JMJD1C: variants seen among roughly 807,000 people sequenced by gnomAD.
The protein encoded by JMJD1C is jumonji domain containing 1C.
In JMJD1C, 31 loss-of-function variants were observed where a neutral mutation model predicts 245.3. The observed-to-expected ratio is 0.13, with a 90% CI of 0.09 to 0.17. The LOEUF (loss-of-function observed/expected upper bound fraction) is 0.17. JMJD1C is among the 10% of genes least tolerant of loss of function. The pLI is 1.00. For synonymous variants in JMJD1C, 1,057 were observed against 1,017.4 expected, an observed-to-expected ratio of 1.04 and a Z score of -0.74; for missense variants, 2,691 against 3,000.2, an observed-to-expected ratio of 0.90 and a Z score of 2.41.
At chr10:63,445,821 G>A (rs1951679193) in intron 1 of JMJD1C, among the ~76,000 whole-genome samples, 1 of 143,312 alleles carries the variant, frequency 7.0e-6, no homozygotes, top group Non-Finnish European at 1.5e-5. Context: ...GTTTGAACTA[G>A]TATAATGCTA....
chr10:63,275,113 A>T (rs1346097915), intron 2 of JMJD1C, among the ~76,000 whole-genome samples: 2 of 152,182 alleles, frequency 1.3e-5, no homozygotes, highest in Non-Finnish European at 2.9e-5. Flanking sequence ...TTTTACAGAT[A>T]AAAAAATGGA....
intron 4 of JMJD1C, among the ~76,000 whole-genome samples, chr10:63,219,098 T>G (rs1280235707): frequency 3.9e-5 from 6 of 152,134 alleles, no homozygotes; most frequent in Non-Finnish European, 8.8e-5. Context: ...ATTCTGTTTT[T>G]GTATGTGTTT....
At chr10:63,438,762 C>A (rs1228444447) in intron 1 of JMJD1C, among the ~76,000 whole-genome samples, 4 of 152,158 alleles carry the variant, frequency 2.6e-5, no homozygotes, top group African/African-American at 9.7e-5. Flanking sequence ...CAGACATCTA[C>A]GTGACTAGCT....
chr10:63,510,735 T>C (rs1954849810), intron 1 of JMJD1C, among the ~76,000 whole-genome samples: 1 of 152,236 alleles, frequency 6.6e-6, no homozygotes, highest in Non-Finnish European at 1.5e-5. Context: ...ACTTCAACTA[T>C]GTCTTTATTG....
At chr10:63,337,278 C>T (rs1342612342) in intron 2 of JMJD1C, among the ~76,000 whole-genome samples, 2 of 150,926 alleles carry the variant, frequency 1.3e-5, no homozygotes, top group East Asian at 4.0e-4. Flanking sequence ...CCCATGTCTA[C>T]TGAAAATATA....
intron 18 of JMJD1C, 66 bp downstream of exon 18, chr10:63,189,102 G>A: frequency 7.3e-7 from 1 of 1,373,732 alleles, no homozygotes; most frequent in Non-Finnish European, 9.8e-7. Flanking sequence ...TCCTAAGGAG[G>A]GAACCATTCT....
At position 63,451,888 on chromosome 10, in the gene JMJD1C, T is replaced by A. The variant is rs755811499; in HGVS notation, c.168+13607A>T. Among the ~76,000 whole-genome samples, 18 of 152,236 alleles carry A rather than the reference T, an allele frequency of 1.2e-4. 1 individual carries two copies. The highest frequency in any genetic ancestry group is 4.3e-4 in the African/African-American group (18 of 41,544). ...GAGCTGAGAAAATGAGATTAACAGATGTAAGAAAATAAAGCTGGACCCTTA... is the reference window on the plus strand; with the variant it reads ...GAGCTGAGAAAATGAGATTAACAGAAGTAAGAAAATAAAGCTGGACCCTTA... On this transcript the variant is annotated intron_variant, in intron 1 of 25. Coordinates refer to ENST00000399262, the MANE Select transcript of JMJD1C (RefSeq NM_032776.3).
chr10:63,513,420 TC>T (rs1954928947), intron 1 of JMJD1C, among the ~76,000 whole-genome samples: 1 of 152,080 alleles, frequency 6.6e-6, no homozygotes, highest in Admixed American at 6.6e-5. Context: ...TATGACTAAG[TC>T]CTCAAAAGCA....
intron 18 of JMJD1C, among the ~76,000 whole-genome samples, chr10:63,186,805 T>C (rs989477490): frequency 6.6e-6 from 1 of 152,242 alleles, no homozygotes; most frequent in Non-Finnish European, 1.5e-5. Flanking sequence ...TGATGTATTA[T>C]TCTCAGGTTT....
chr10:63,202,710 T>C, intron 10 of JMJD1C: 3 of 985,442 alleles, frequency 3.0e-6, no homozygotes, highest in Non-Finnish European at 1.2e-6. Context: ...GGTTATGGTA[T>C]AAACCCATTT....
At chr10:63,481,853 G>A (rs765502778) in intron 1 of JMJD1C, among the ~76,000 whole-genome samples, 5 of 152,130 alleles carry the variant, frequency 3.3e-5, no homozygotes, top group East Asian at 3.8e-4. Context: ...GAGAACCTAC[G>A]GCAGAGAAAG....
intron 21 of JMJD1C, among the ~76,000 whole-genome samples, chr10:63,184,240 T>A (rs1219094458): frequency 1.9e-4 from 8 of 42,164 alleles, no homozygotes; most frequent in Admixed American, 1.5e-3. Context: ...TGAACAGAAA[T>A]TTTTTTTTTT....
At chr10:63,332,920 T>A (rs1942317014) in intron 2 of JMJD1C, among the ~76,000 whole-genome samples, 1 of 152,142 alleles carries the variant, frequency 6.6e-6, no homozygotes, top group Non-Finnish European at 1.5e-5. Flanking sequence ...TTTCCAGTTT[T>A]AAACCATTAT....
intron 1 of JMJD1C, among the ~76,000 whole-genome samples, chr10:63,503,507 T>C (rs1462405476): frequency 8.8e-6 from 1 of 114,232 alleles, no homozygotes; most frequent in African/African-American, 2.6e-5. Context: ...GGATCTAACA[T>C]GTGAGTTTCT....
chr10:63,504,982 A>G (rs1228696832), intron 1 of JMJD1C, among the ~76,000 whole-genome samples: 1 of 152,114 alleles, frequency 6.6e-6, no homozygotes, highest in East Asian at 1.9e-4. Context: ...ACTGTACTCC[A>G]GCATGAGTGA....
At chr10:63,384,550 G>C (rs1226746793) in intron 1 of JMJD1C, among the ~76,000 whole-genome samples, 1 of 152,150 alleles carries the variant, frequency 6.6e-6, no homozygotes, top group Non-Finnish European at 1.5e-5. Context: ...ACTTTGAAAG[G>C]AATCTTTTTC....
At chr10:63,319,790 A>T (rs1430160045) in intron 2 of JMJD1C, among the ~76,000 whole-genome samples, 1 of 152,144 alleles carries the variant, frequency 6.6e-6, no homozygotes, top group East Asian at 1.9e-4. Flanking sequence ...TCCACGACAG[A>T]GTCTCGCTCT....
chr10:63,379,025 T>TCC (rs1427783725), intron 2 of JMJD1C, among the ~76,000 whole-genome samples: 4 of 152,222 alleles, frequency 2.6e-5, no homozygotes, highest in African/African-American at 9.6e-5. Context: ...CTCTCTTCCC[T>TCC]CCCTTCCTAT....
intron 1 of JMJD1C, among the ~76,000 whole-genome samples, chr10:63,482,962 G>T (rs956402454): frequency 2.0e-5 from 3 of 152,110 alleles, no homozygotes; most frequent in Non-Finnish European, 2.9e-5. Flanking sequence ...AATTAAATCT[G>T]TAATTACTAT....
Sources: allele counts gnomAD v4.1 joint callset (sites outside exome capture counted in the v4.1 genomes callset), GRCh38; gene constraint gnomAD v4.1.1; transcripts MANE v1.5; gene names NCBI Gene and HGNC (gene_info 2026-07-23, HGNC 2026-07-21).